CRTC1: variants seen among roughly 807,000 people sequenced by gnomAD.
The protein encoded by CRTC1 is CREB regulated transcription coactivator 1, also known as CREB-regulated transcription coactivator 1.
Under a neutral mutation model 66.1 loss-of-function variants are expected in CRTC1, and 18 were observed. That is an observed-to-expected ratio of 0.27 (90% CI 0.19 to 0.40). The LOEUF is 0.40. Ranked by LOEUF, CRTC1 falls within the 10% of genes least tolerant of loss-of-function variation. CRTC1 has a pLI of 1.00. For missense variants in CRTC1, 669 were observed against 887.9 expected (o/e 0.75, Z 3.13); for synonymous variants, 416 against 398.8 (o/e 1.04, Z -0.51).
In CRTC1 at chr19:18,741,730, C is replaced by G. The variant is rs142305014; in HGVS notation, c.127-1180C>G. 1.3e-5 allele frequency among the ~76,000 whole-genome samples: 2 copies of G among 152,142 alleles called. No individual in the cohort carries two copies. The highest frequency in any genetic ancestry group is 4.8e-5 in the African/African-American group (2 of 41,426). On this transcript the variant is annotated intron_variant, in intron 1 of 13. Transcript: ENST00000321949. The surrounding 1 kb of genome is among the most constrained non-coding windows in gnomAD (Gnocchi z 4.2). ...ACCCTGGGCCTCACCCCCAGGCCCT[C>G]GAGAGCCACCCAATAACACACAAGG...
intron 8 of CRTC1, among the ~76,000 whole-genome samples, chr19:18,761,814 G>A (rs552406610): frequency 5.6e-4 from 86 of 152,220 alleles, no homozygotes; most frequent in Non-Finnish European, 1.1e-3. Context: ...ATGTTCCTGG[G>A]TTTTTTGGAG....
rs1382469814 is a variant in CRTC1, at chr19:18,698,877, CAGT to C, written c.126+15052_126+15054del. 4.0e-5 allele frequency among the ~76,000 whole-genome samples: 6 copies of C among 151,294 alleles called. No homozygotes were observed. In the South Asian group the frequency reaches 8.4e-4, roughly 21 times the overall value. On this transcript the variant is annotated intron_variant, in intron 1 of 13. Coordinates refer to ENST00000321949, the MANE Select transcript of CRTC1 (RefSeq NM_015321.3). The stretch of plus-strand genomic sequence containing the variant: ...GCTGAGCAAGTGCACACTGTGTACT[CAGT>C]AGGCGCAGTGTGTGCTCTGCGGGCA...
intron 1 of CRTC1, among the ~76,000 whole-genome samples, chr19:18,684,455 C>T (rs2052640306): frequency 6.6e-6 from 1 of 152,098 alleles, no homozygotes; most frequent in Non-Finnish European, 1.5e-5. Flanking sequence ...GATGTCCCCA[C>T]TTGCAGAGCT....
In CRTC1 at chr19:18,777,359, A is replaced by G. The variant is rs1312043612; in HGVS notation, c.1882A>G (p.Thr628Ala). ...MVLADPATED[T>A]FRMDRL ...TCTGGCCGACCCAGCCACCGAGGAC[A>G]CCTTCCGGATGGACCGCCTGTGAGC... Residue 628 changes from threonine (T) to alanine (A), a missense_variant, in exon 14 of 14, where the codon ACC becomes GCC. By Grantham distance (58) the Thr-to-Ala change is moderately conservative (BLOSUM62 0). Around this residue, in one of 8 missense-constraint regions of CRTC1, gnomAD observed 91 missense variants for 99.1 expected, o/e 0.92. Coordinates refer to ENST00000321949, the MANE Select transcript of CRTC1 (RefSeq NM_015321.3). This position sits in a 1 kb window ranked among gnomAD's most constrained non-coding sequence, Gnocchi z 5.5. 1.0e-5 allele frequency: 16 copies of G among 1,604,798 alleles called. No individual in the cohort carries two copies. The highest frequency in any genetic ancestry group is 1.4e-5 in the Non-Finnish European group (16 of 1,179,870).
chr19:18,722,548 G>A (rs2053653483), intron 1 of CRTC1, among the ~76,000 whole-genome samples: 1 of 152,200 alleles, frequency 6.6e-6, no homozygotes, highest in Admixed American at 6.5e-5. Flanking sequence ...GATGAAGGAG[G>A]CAGAGACCAG....
intron 1 of CRTC1, among the ~76,000 whole-genome samples, chr19:18,729,638 A>G (rs1300405435): frequency 6.6e-6 from 1 of 151,914 alleles, no homozygotes; most frequent in Non-Finnish European, 1.5e-5. Flanking sequence ...CTACTGGGGA[A>G]GTTGAGGTGA....
chr19:18,756,207 C>T (rs2054482018), intron 6 of CRTC1, among the ~76,000 whole-genome samples: 1 of 151,898 alleles, frequency 6.6e-6, no homozygotes, highest in East Asian at 1.9e-4. Flanking sequence ...GTGGCACTTG[C>T]CTGTAATCTC....
intron 4 of CRTC1, among the ~76,000 whole-genome samples, chr19:18,748,985 A>G (rs2054306359): frequency 6.6e-6 from 1 of 152,164 alleles, no homozygotes; most frequent in Admixed American, 6.6e-5. Flanking sequence ...AGAGGTCAAA[A>G]CACTTGCTCA....
At chr19:18,692,666 T>C (rs1383090807) in intron 1 of CRTC1, among the ~76,000 whole-genome samples, 1 of 151,258 alleles carries the variant, frequency 6.6e-6, no homozygotes, top group Non-Finnish European at 1.5e-5. Context: ...CTGGGGAATC[T>C]GGGAGGGCTT....
chr19:18,709,204 A>G (rs559872814), intron 1 of CRTC1, among the ~76,000 whole-genome samples: 1 of 152,098 alleles, frequency 6.6e-6, no homozygotes, highest in African/African-American at 2.4e-5. Context: ...CAGGGTGCAC[A>G]TGAGGAGGTG....
intron 8 of CRTC1, 95 bp from the exon 9 acceptor site, chr19:18,765,309 G>A: frequency 6.7e-7 from 1 of 1,492,442 alleles, no homozygotes; most frequent in Non-Finnish European, 9.0e-7. Flanking sequence ...GAGCAGTTGA[G>A]CTATTCCCAT....
chr19:18,708,238 G>A (rs1267329682), intron 1 of CRTC1, among the ~76,000 whole-genome samples: 1 of 152,192 alleles, frequency 6.6e-6, no homozygotes, highest in Non-Finnish European at 1.5e-5. Context: ...AAGCTGGAGA[G>A]CTTGGACGTG....
intron 1 of CRTC1, among the ~76,000 whole-genome samples, chr19:18,725,406 T>G (rs2053726492): frequency 6.6e-6 from 1 of 152,184 alleles, no homozygotes; most frequent in South Asian, 2.1e-4. Flanking sequence ...GTTTCTGGGT[T>G]CCTGCCTGTC....
In CRTC1 at chr19:18,734,026, C is replaced by T. The variant is rs371711652; in HGVS notation, c.127-8884C>T. Among the ~76,000 whole-genome samples, 34 of 152,130 alleles carry T rather than the reference C, an allele frequency of 2.2e-4. 1 individual carries two copies. The highest frequency in any genetic ancestry group is 9.7e-4 in the East Asian group (5 of 5,168). ...TGGGAGGCTGAGAATCACTTGACCC[C>T]GGCAGGTGGAGGTTGCAGTGAGTCA... is the stretch of plus-strand genomic sequence containing the variant. On this transcript the variant is annotated intron_variant, in intron 1 of 13. Coordinates refer to ENST00000321949, the MANE Select transcript of CRTC1 (RefSeq NM_015321.3).
At position 18,747,140 on chromosome 19, in the gene CRTC1, GC is replaced by G. The variant is rs2054262407; in HGVS notation, c.443+31del. 15 of 1,188,626 alleles carry G rather than the reference GC, an allele frequency of 1.3e-5. No homozygotes were observed. In the East Asian group the frequency reaches 4.5e-4, roughly 36 times the overall value. The allele number at this position is 1,188,626 out of a possible 1,614,324, so 73.6% of individuals were successfully genotyped here. A position where few individuals can be genotyped will look rare whatever the true frequency, so the allele number is the denominator to read the frequency against. On this transcript the variant is annotated intron_variant, in intron 4 of 13. Transcript: ENST00000321949. ...GTCAGTGGCTGGACACCCCCCCCCC[GC>G]CCCCTTCTTGTTGGAAACAAAACCA...
At position 18,760,156 on chromosome 19, in the gene CRTC1, C is replaced by T. The variant is rs973575515; in HGVS notation, c.814C>T (p.Leu272=). The change falls in exon 8 of 14, where the codon CTG becomes TTG. Residue 272 remains leucine, a synonymous_variant. Coordinates refer to ENST00000321949, the MANE Select transcript of CRTC1 (RefSeq NM_015321.3). This position sits in a 1 kb window ranked among gnomAD's most constrained non-coding sequence, Gnocchi z 6.2. ...CCCCGAGGAGCCCACCTTCCCTGCACTGAGCAGCTCCAGCAGCACCGGCAA... is the reference window on the plus strand; with the variant it reads ...CCCCGAGGAGCCCACCTTCCCTGCATTGAGCAGCTCCAGCAGCACCGGCAA... ...LDPEEPTFPA[L]SSSSSTGNLA... 3.2e-5 allele frequency: 52 copies of T among 1,613,704 alleles called. No individual in the cohort carries two copies. Among genetic ancestry groups the T allele is most frequent in the Non-Finnish European group, 4.3e-5 (51 of 1,179,852 alleles).
rs2054977595 is a variant in CRTC1, at chr19:18,775,894, C to T, written c.1693+73C>T. ...CCCGTGCGGAGACAGCCAGAGACTG[C>T]TGTCCCGCAGCAGGAGGGTTGACAG... On this transcript the variant is annotated intron_variant, in intron 13 of 13. Coordinates refer to ENST00000321949, the MANE Select transcript of CRTC1 (RefSeq NM_015321.3). 17 of 1,442,786 alleles carry T rather than the reference C, an allele frequency of 1.2e-5. No individual in the cohort carries two copies. In the South Asian group the frequency reaches 2.4e-4, roughly 20 times the overall value. The allele number at this position is 1,442,786 out of a possible 1,614,324, so 89.4% of individuals were successfully genotyped here.
intron 1 of CRTC1, among the ~76,000 whole-genome samples, chr19:18,719,837 G>C (rs543212040): frequency 6.6e-6 from 1 of 152,234 alleles, no homozygotes; most frequent in East Asian, 1.9e-4. Flanking sequence ...GGTTAGGTCC[G>C]GCACCTGTCA....
rs919379885 is a variant in CRTC1, at chr19:18,760,982, G to A, written c.886+754G>A. Among the ~76,000 whole-genome samples, 9 of 147,396 alleles carry A rather than the reference G, an allele frequency of 6.1e-5. No homozygotes were observed. The highest frequency in any genetic ancestry group is 7.5e-5 in the African/African-American group (3 of 39,866). On this transcript the variant is annotated intron_variant, in intron 8 of 13. Coordinates refer to ENST00000321949, the MANE Select transcript of CRTC1 (RefSeq NM_015321.3). The surrounding 1 kb of genome is among the most constrained non-coding windows in gnomAD (Gnocchi z 6.2). The stretch of plus-strand genomic sequence containing the variant: ...GCTTCCTCCACTTGGGACCTCGCAC[G>A]GCCCCCAGCTCCCTCTCAGTGAAAG...
Sources: gnomAD v4.1 joint callset for allele counts (sites outside exome capture counted in the v4.1 genomes callset) on GRCh38, gnomAD v4.1.1 for gene constraint, gnomAD v4.1.1 regional missense constraint, Gnocchi (gnomAD v3.1) non-coding constraint, MANE v1.5 for transcripts, NCBI Gene and HGNC (gene_info 2026-07-23, HGNC 2026-07-21) for gene names.